The following MARCHF1 variants were observed in gnomAD, a reference collection of about 807,000 sequenced individuals.
MARCHF1 encodes E3 ubiquitin-protein ligase MARCHF1.
Under a neutral mutation model 54.2 loss-of-function variants are expected in MARCHF1, and 40 were observed. The observed-to-expected ratio is 0.74, with a 90% CI of 0.57 to 0.96. MARCHF1 has a LOEUF of 0.96. Among genes scored for constraint, MARCHF1 ranks in the 40% least tolerant of loss-of-function variants. The pLI, the probability that MARCHF1 is intolerant of heterozygous loss-of-function variation, is 0.00. For synonymous variants in MARCHF1, 236 were observed against 236.3 expected (o/e 1.00, Z 0.01); for missense variants, 586 against 656.5 (o/e 0.89, Z 1.17).
chr4:163,689,653 A>AT (rs199732729), intron 5 of MARCHF1, among the ~76,000 whole-genome samples: 1,541 of 138,402 alleles, frequency 0.011, 10 homozygotes, highest in African/African-American at 0.011. Context: ...ACCTGCGTGG[A>AT]TTTTTTTTTT....
At chr4:164,239,211 A>G (rs2111201936) in intron 1 of MARCHF1, among the ~76,000 whole-genome samples, 1 of 152,192 alleles carries the variant, frequency 6.6e-6, no homozygotes, top group South Asian at 2.1e-4. Flanking sequence ...TAAATTGTGT[A>G]TCAAAGAAAA....
intron 1 of MARCHF1, among the ~76,000 whole-genome samples, chr4:164,220,251 C>T (rs527632745): frequency 7.0e-4 from 102 of 145,596 alleles, no homozygotes; most frequent in Middle Eastern, 4.2e-3. Flanking sequence ...TACACACATA[C>T]GTATATATAC....
At chr4:163,679,764 C>T (rs1193598404) in intron 5 of MARCHF1, among the ~76,000 whole-genome samples, 1 of 152,012 alleles carries the variant, frequency 6.6e-6, no homozygotes, top group African/African-American at 2.4e-5. Flanking sequence ...GGGCGCCCAC[C>T]ACCACGCCCG....
At chr4:163,803,193 G>C (rs1414831103) in intron 4 of MARCHF1, among the ~76,000 whole-genome samples, 1 of 152,040 alleles carries the variant, frequency 6.6e-6, no homozygotes, top group Admixed American at 6.6e-5. Context: ...GTTTTTTTGA[G>C]ATAGAGTTTC....
chr4:163,706,242 G>A (rs889574608), intron 4 of MARCHF1, among the ~76,000 whole-genome samples: 7 of 151,986 alleles, frequency 4.6e-5, no homozygotes, highest in Non-Finnish European at 1.0e-4. Context: ...TGCTGGGATG[G>A]AAACTATCAG....
intron 3 of MARCHF1, among the ~76,000 whole-genome samples, chr4:163,917,664 G>C (rs980669464): frequency 6.6e-6 from 1 of 152,058 alleles, no homozygotes; most frequent in Non-Finnish European, 1.5e-5. Flanking sequence ...AGGATGTGCA[G>C]GTTTGTTACA....
chr4:164,173,234 G>A (rs1033066324), intron 1 of MARCHF1, among the ~76,000 whole-genome samples: 7 of 152,084 alleles, frequency 4.6e-5, no homozygotes, highest in African/African-American at 1.4e-4. Flanking sequence ...TAGTAAGAAC[G>A]CTGATGGCAA....
intron 2 of MARCHF1, among the ~76,000 whole-genome samples, chr4:164,026,581 T>A (rs3967466): frequency 0.59 from 89,454 of 151,848 alleles, 28,498 homozygotes; most frequent in South Asian, 0.71. Flanking sequence ...CATCAAAGGA[T>A]CTACTCAAAA....
chr4:164,000,859 C>T (rs1753173328), intron 2 of MARCHF1, among the ~76,000 whole-genome samples: 1 of 151,488 alleles, frequency 6.6e-6, no homozygotes, highest in South Asian at 2.1e-4. Flanking sequence ...ACAATAGAAA[C>T]AATGATTACT....
At chr4:163,570,448 C>T (rs1391669003) in intron 8 of MARCHF1, among the ~76,000 whole-genome samples, 1 of 152,026 alleles carries the variant, frequency 6.6e-6, no homozygotes, top group Non-Finnish European at 1.5e-5. Context: ...ACCTCCTTTC[C>T]CTTTCTTGAA....
intron 2 of MARCHF1, among the ~76,000 whole-genome samples, chr4:164,001,274 G>T (rs1477229106): frequency 6.6e-6 from 1 of 151,664 alleles, no homozygotes; most frequent in African/African-American, 2.4e-5. Flanking sequence ...AAAAGCATGT[G>T]GTTAGATTAG....
At chr4:163,634,334 G>T (rs947875282) in intron 5 of MARCHF1, among the ~76,000 whole-genome samples, 2 of 150,442 alleles carry the variant, frequency 1.3e-5, no homozygotes, top group Non-Finnish European at 2.9e-5. Flanking sequence ...CCATCAGTGT[G>T]CTGTATTCAG....
chr4:164,330,494 C>T (rs1337700141), intron 1 of MARCHF1, among the ~76,000 whole-genome samples: 2 of 152,128 alleles, frequency 1.3e-5, no homozygotes, highest in African/African-American at 4.8e-5. Context: ...AAAATGAAAG[C>T]TCCATATGCT....
chr4:163,860,732 C>A (rs1296648616), intron 3 of MARCHF1, among the ~76,000 whole-genome samples: 6 of 152,218 alleles, frequency 3.9e-5, no homozygotes, highest in Non-Finnish European at 8.8e-5. Flanking sequence ...AAGATGCACA[C>A]TCTCTTTGTG....
intron 1 of MARCHF1, among the ~76,000 whole-genome samples, chr4:164,296,397 G>T (rs562007320): frequency 3.3e-5 from 5 of 152,090 alleles, no homozygotes; most frequent in Non-Finnish European, 7.4e-5. Flanking sequence ...TCTGGAGAGC[G>T]AGTCTCGCTC....
At chr4:163,578,378 G>T (rs1485056329) in intron 8 of MARCHF1, among the ~76,000 whole-genome samples, 1 of 152,076 alleles carries the variant, frequency 6.6e-6, no homozygotes, top group African/African-American at 2.4e-5. Flanking sequence ...TTAAAGTAGT[G>T]TATCAATCCA....
At chr4:164,318,941 T>C (rs1015337297) in intron 1 of MARCHF1, among the ~76,000 whole-genome samples, 10 of 152,224 alleles carry the variant, frequency 6.6e-5, no homozygotes, top group Non-Finnish European at 1.3e-4. Context: ...CAATTCATTC[T>C]GTGACTTGAT....
At chr4:164,144,005 G>T (rs970140599) in intron 1 of MARCHF1, among the ~76,000 whole-genome samples, 1 of 151,792 alleles carries the variant, frequency 6.6e-6, no homozygotes, top group Non-Finnish European at 1.5e-5. Context: ...AAAACAAAAA[G>T]GCAGGGGTTG....
intron 4 of MARCHF1, among the ~76,000 whole-genome samples, chr4:163,810,345 T>C (rs563757605): frequency 2.0e-5 from 3 of 152,190 alleles, no homozygotes; most frequent in Non-Finnish European, 4.4e-5. Context: ...ACAGATAAAT[T>C]TTAGAATGGC....
Sources: gnomAD v4.1 joint callset for allele counts (sites outside exome capture counted in the v4.1 genomes callset) on GRCh38, gnomAD v4.1.1 for gene constraint, MANE v1.5 for transcripts, NCBI Gene and HGNC (gene_info 2026-07-23, HGNC 2026-07-21) for gene names.